CWC27: variants seen among roughly 807,000 people sequenced by gnomAD.
The protein encoded by CWC27 is CWC27 spliceosome associated cyclophilin.
CWC27 carries 47 observed loss-of-function variants against 63.6 expected under a neutral mutation model. The observed-to-expected ratio is 0.74, with a 90% confidence interval of 0.58 to 0.94. The LOEUF is 0.94. Ranked by LOEUF, CWC27 falls within the 40% of genes least tolerant of loss-of-function variation. CWC27 has a pLI of 0.00. For synonymous variants in CWC27, 175 were observed against 179.8 expected (o/e 0.97, Z 0.22); for missense variants, 495 against 554.3 (o/e 0.89, Z 1.07).
chr5:64,926,442 G>A (rs1382234206), intron 11 of CWC27, among the ~76,000 whole-genome samples: 3 of 151,242 alleles, frequency 2.0e-5, no homozygotes, highest in Admixed American at 6.6e-5. Flanking sequence ...CTTGCTTGCT[G>A]TACATTAGGA....
At chr5:64,774,844 G>A in intron 2 of CWC27, 57 bp downstream of exon 2, 1 of 999,714 alleles carries the variant, frequency 1.0e-6, no homozygotes, top group Non-Finnish European at 1.5e-6. Context: ...ATAAACTGCA[G>A]TGTCTGCTTC....
intron 11 of CWC27, among the ~76,000 whole-genome samples, chr5:64,912,233 A>G (rs1202671224): frequency 6.6e-6 from 1 of 152,048 alleles, no homozygotes; most frequent in Non-Finnish European, 1.5e-5. Flanking sequence ...TCCCTGGGAG[A>G]AAATAATATC....
At chr5:64,893,484 G>T (rs988245702) in intron 11 of CWC27, among the ~76,000 whole-genome samples, 1 of 152,174 alleles carries the variant, frequency 6.6e-6, no homozygotes, top group African/African-American at 2.4e-5. Flanking sequence ...TGCAATAGCT[G>T]ATAGTTTTTA....
intron 10 of CWC27, among the ~76,000 whole-genome samples, chr5:64,840,722 GATTCAT>G (rs985499316): frequency 6.6e-6 from 1 of 152,050 alleles, no homozygotes; most frequent in African/African-American, 2.4e-5. Context: ...GGCATGATCA[GATTCAT>G]ATTTTAGAAT....
chr5:64,858,165 TG>T (rs1184859593), intron 10 of CWC27, among the ~76,000 whole-genome samples: 1 of 50,054 alleles, frequency 2.0e-5, no homozygotes, highest in Non-Finnish European at 3.9e-5. Flanking sequence ...AAAAAAAAAA[TG>T]AATAGGAAGC....
At chr5:64,819,186 G>A (rs1171574928) in intron 10 of CWC27, among the ~76,000 whole-genome samples, 1 of 152,108 alleles carries the variant, frequency 6.6e-6, no homozygotes, top group Non-Finnish European at 1.5e-5. Flanking sequence ...GTTTCCTTTT[G>A]TTAGCCAAAC....
At chr5:64,962,046 G>A (rs536166495) in intron 11 of CWC27, among the ~76,000 whole-genome samples, 1 of 152,284 alleles carries the variant, frequency 6.6e-6, no homozygotes, top group South Asian at 2.1e-4. Context: ...AGAGCACTCT[G>A]TATTAGAAAA....
At chr5:64,902,802 T>A (rs547225535) in intron 11 of CWC27, among the ~76,000 whole-genome samples, 3 of 152,308 alleles carry the variant, frequency 2.0e-5, no homozygotes, top group Admixed American at 2.0e-4. Context: ...ATAAATCAAT[T>A]TGAAGAAAAT....
chr5:64,873,173 T>G (rs1185257517), intron 10 of CWC27, among the ~76,000 whole-genome samples: 1 of 152,234 alleles, frequency 6.6e-6, no homozygotes, highest in Non-Finnish European at 1.5e-5. Flanking sequence ...CTTTTCGTTT[T>G]GTTTTGTTTC....
intron 10 of CWC27, among the ~76,000 whole-genome samples, chr5:64,878,494 A>AAAAAAAAAAAAAAAAAAAAAAAAC (rs1746851981): frequency 6.9e-6 from 1 of 144,568 alleles, no homozygotes; most frequent in Non-Finnish European, 1.5e-5. Context: ...AAAAAAAAAA[A>AAAAAAAAAAAAAAAAAAAAAAAAC]AAAAAAGCAC....
chr5:64,894,070 C>T (rs1747308324), intron 11 of CWC27, among the ~76,000 whole-genome samples: 2 of 151,972 alleles, frequency 1.3e-5, no homozygotes, highest in Admixed American at 6.6e-5. Context: ...GCTGGAATTA[C>T]AGGAGCCCGC....
intron 10 of CWC27, among the ~76,000 whole-genome samples, chr5:64,805,215 C>T (rs1341347959): frequency 6.6e-6 from 1 of 151,436 alleles, no homozygotes; most frequent in African/African-American, 2.4e-5. Context: ...TTTATGTAAT[C>T]AAATAAAAAT....
chr5:64,961,133 A>T (rs952593470), intron 11 of CWC27, among the ~76,000 whole-genome samples: 2 of 152,208 alleles, frequency 1.3e-5, no homozygotes, highest in Non-Finnish European at 2.9e-5. Flanking sequence ...TAGGGAAAGG[A>T]TAAGGGACAT....
intron 10 of CWC27, among the ~76,000 whole-genome samples, chr5:64,850,811 T>C (rs995127348): frequency 6.6e-6 from 1 of 151,830 alleles, no homozygotes; most frequent in Non-Finnish European, 1.5e-5. Flanking sequence ...CATGAAAAAA[T>C]GTTCAACATC....
Position 64,821,086 on chromosome 5 carries a change from AT to A in CWC27, c.938+16719del, listed in dbSNP as rs11388495. On this transcript the variant is annotated intron_variant, in intron 10 of 13. Transcript: ENST00000381070. ...AATTCAACTATAAGAAAACAAAGCAATTTTTTTTTTTTTTTTTTTGAGAGAG... is the reference window on the plus strand; with the variant it reads ...AATTCAACTATAAGAAAACAAAGCAATTTTTTTTTTTTTTTTTTGAGAGAG... 4.7e-3 allele frequency among the ~76,000 whole-genome samples: 625 copies of A among 132,668 alleles called. 2 individuals carry two copies. The highest frequency in any genetic ancestry group is 0.014 in the African/African-American group (491 of 35,416). The allele number at this position is 132,668 out of a possible 152,430, so 87.0% of individuals were successfully genotyped here. A position where few individuals can be genotyped will look rare whatever the true frequency, so the allele number is the denominator to read the frequency against.
intron 11 of CWC27, among the ~76,000 whole-genome samples, chr5:64,967,927 C>T (rs546178638): frequency 2.0e-5 from 3 of 151,854 alleles, no homozygotes; most frequent in South Asian, 2.1e-4. Flanking sequence ...TGCTGTTCAT[C>T]GAATTTTAAC....
At chr5:64,961,141 C>T (rs1447129093) in intron 11 of CWC27, among the ~76,000 whole-genome samples, 1 of 152,194 alleles carries the variant, frequency 6.6e-6, no homozygotes, top group Non-Finnish European at 1.5e-5. Flanking sequence ...GGATAAGGGA[C>T]ATACTTTATA....
intron 13 of CWC27, among the ~76,000 whole-genome samples, chr5:65,012,478 C>T (rs546324660): frequency 6.6e-6 from 1 of 152,168 alleles, no homozygotes; most frequent in African/African-American, 2.4e-5. Context: ...CCAAACTCTG[C>T]GTTTACCACA....
intron 10 of CWC27, among the ~76,000 whole-genome samples, chr5:64,811,879 C>T (rs1744887842): frequency 6.6e-6 from 1 of 151,872 alleles, no homozygotes. Flanking sequence ...GTTTTCATAC[C>T]TTCTAAGGTC....
Sources: allele counts gnomAD v4.1 joint callset (sites outside exome capture counted in the v4.1 genomes callset), GRCh38; gene constraint gnomAD v4.1.1; transcripts MANE v1.5; gene names NCBI Gene and HGNC (gene_info 2026-07-23, HGNC 2026-07-21).